BMPR2: variants seen among roughly 807,000 people sequenced by gnomAD.
BMPR2 encodes the protein bone morphogenetic protein receptor type 2, also known as bone morphogenetic protein receptor type-2.
A neutral mutation model predicts 100.8 loss-of-function variants in BMPR2; 29 were observed. The ratio of observed to expected loss-of-function variants is 0.29; its 90% CI spans 0.21 to 0.39. The LOEUF (loss-of-function observed/expected upper bound fraction) is 0.39. BMPR2 is among the 10% of genes least tolerant of loss of function. The probability of loss-of-function intolerance (pLI) is 1.00; values close to 1 mark genes in which losing one functional copy is unlikely to be tolerated. For synonymous variants in BMPR2, 382 were observed against 442.3 expected, an observed-to-expected ratio of 0.86 and a Z score of 1.71; for missense variants, 1,011 against 1,274.5, an observed-to-expected ratio of 0.79 and a Z score of 3.15.
intron 3 of BMPR2, among the ~76,000 whole-genome samples, chr2:202,499,005 C>G (rs879626943): frequency 1.1e-4 from 16 of 145,900 alleles, no homozygotes; most frequent in Non-Finnish European, 1.7e-4. Flanking sequence ...AATGATAATC[C>G]TCCTCTAATC....
chr2:202,398,450 G>A (rs1690697530), intron 1 of BMPR2, among the ~76,000 whole-genome samples: 1 of 152,200 alleles, frequency 6.6e-6, no homozygotes, highest in Admixed American at 6.5e-5. Flanking sequence ...ATTTTGCCAT[G>A]TATGCTTAAT....
In BMPR2 at chr2:202,556,360, C is replaced by T. The variant is rs137852741; in HGVS notation, c.2695C>T (p.Arg899Ter). Residue 899 changes from arginine (R) to a stop codon, truncating the protein, a stop_gained, in exon 12 of 13, where the codon CGA (arginine) becomes TGA (stop). Coordinates refer to ENST00000374580, the MANE Select transcript of BMPR2 (RefSeq NM_001204.7). LOFTEE classifies it high-confidence loss of function. ...GAGGGAACGGCCACTAGAAGGTGGCCGAACTAATTCCAATAACAACAACAG... is the reference window on the plus strand; with the variant it reads ...GAGGGAACGGCCACTAGAAGGTGGCTGAACTAATTCCAATAACAACAACAG... ...DRRERPLEGG[R>*]TNSNNNNSNP... The T allele has an allele frequency of 6.2e-7, 1 of 1,614,054 alleles. No homozygotes were observed. Among genetic ancestry groups the T allele is most frequent in the Non-Finnish European group, 8.5e-7 (1 of 1,180,022 alleles).
At chr2:202,404,983 C>T (rs1409129427) in intron 1 of BMPR2, among the ~76,000 whole-genome samples, 1 of 152,014 alleles carries the variant, frequency 6.6e-6, no homozygotes, top group Non-Finnish European at 1.5e-5. Flanking sequence ...GCACCATGTC[C>T]AGGTACTTTT....
intron 1 of BMPR2, among the ~76,000 whole-genome samples, chr2:202,423,356 GAGA>G: frequency 6.6e-6 from 1 of 152,334 alleles, no homozygotes; most frequent in South Asian, 2.1e-4. Context: ...GTGACCATGT[GAGA>G]AGGAGATCAG....
intron 1 of BMPR2, among the ~76,000 whole-genome samples, chr2:202,408,141 A>G (rs1690942314): frequency 6.6e-6 from 1 of 152,170 alleles, no homozygotes; most frequent in African/African-American, 2.4e-5. Context: ...GCTTTAACTC[A>G]GGATTTCATA....
chr2:202,389,940 C>A (rs550830686), intron 1 of BMPR2, among the ~76,000 whole-genome samples: 3 of 147,498 alleles, frequency 2.0e-5, no homozygotes, highest in Admixed American at 6.8e-5. Flanking sequence ...GCACCTGGCC[C>A]ATTAAAAAGG....
intron 1 of BMPR2, among the ~76,000 whole-genome samples, chr2:202,417,421 G>C (rs1206684286): frequency 6.6e-6 from 1 of 152,192 alleles, no homozygotes; most frequent in Non-Finnish European, 1.5e-5. Context: ...TCCTGCCTCA[G>C]CCTCCTGAGT....
chr2:202,383,384 T>TA (rs1690341724), intron 1 of BMPR2, among the ~76,000 whole-genome samples: 2 of 151,650 alleles, frequency 1.3e-5, no homozygotes, highest in Non-Finnish European at 2.9e-5. Context: ...CCGTCTCTAC[T>TA]AAAATACAAA....
At chr2:202,494,791 G>A (rs891322960) in intron 3 of BMPR2, among the ~76,000 whole-genome samples, 1 of 152,212 alleles carries the variant, frequency 6.6e-6, no homozygotes, top group Non-Finnish European at 1.5e-5. Context: ...GCACGTACAC[G>A]TGAATACACA....
chr2:202,563,761 G>A lies in BMPR2; in HGVS notation c.*3815G>A, dbSNP rs1047284891. 2.0e-5 allele frequency: 3 copies of A among 149,538 alleles called. No homozygotes were observed. Among genetic ancestry groups the A allele is most frequent in the South Asian group, 4.2e-4 (2 of 4,718 alleles). The allele number at this position is 149,538 out of a possible 1,614,324, so 9.3% of individuals were successfully genotyped here. On this transcript the variant is annotated 3_prime_UTR_variant, in exon 13 of 13. Transcript: ENST00000374580. ...AAATTGATTCCATAGCAGATTTGGG[G>A]GAATTAACAAAGAATTTCAGTCTCA...
At chr2:202,390,717 T>G (rs1690530420) in intron 1 of BMPR2, among the ~76,000 whole-genome samples, 1 of 152,284 alleles carries the variant, frequency 6.6e-6, no homozygotes. Context: ...AAATGATATC[T>G]TGTTGGTTTA....
intron 1 of BMPR2, among the ~76,000 whole-genome samples, chr2:202,462,021 GT>G (rs1368002653): frequency 1.3e-5 from 2 of 151,958 alleles, no homozygotes; most frequent in Non-Finnish European, 2.9e-5. Flanking sequence ...CCCGTATGTG[GT>G]TGGGGTAGCA....
At chr2:202,466,620 T>G (rs1209159098) in intron 2 of BMPR2, among the ~76,000 whole-genome samples, 2 of 150,562 alleles carry the variant, frequency 1.3e-5, no homozygotes, top group African/African-American at 4.9e-5. Context: ...TTATTTGTTA[T>G]TGTATTTTTG....
chr2:202,384,588 T>TTTTCTTTCC (rs1690387131), intron 1 of BMPR2, among the ~76,000 whole-genome samples: 1 of 129,776 alleles, frequency 7.7e-6, no homozygotes, highest in African/African-American at 3.0e-5. Flanking sequence ...CTTTTCTTTC[T>TTTTCTTTCC]TTTCTTTCTT....
chr2:202,391,402 C>T (rs1331217338), intron 1 of BMPR2, among the ~76,000 whole-genome samples: 1 of 150,400 alleles, frequency 6.6e-6, no homozygotes, highest in Non-Finnish European at 1.5e-5. Flanking sequence ...CTCCCGGAAG[C>T]TCAAGTGATC....
intron 1 of BMPR2, among the ~76,000 whole-genome samples, chr2:202,452,900 G>T (rs1338031089): frequency 6.6e-6 from 1 of 152,196 alleles, no homozygotes; most frequent in African/African-American, 2.4e-5. Context: ...GTGGTCTGGG[G>T]TAATTAGAGT....
chr2:202,443,793 A>T (rs1228101133), intron 1 of BMPR2, among the ~76,000 whole-genome samples: 1 of 150,446 alleles, frequency 6.6e-6, no homozygotes, highest in Admixed American at 6.6e-5. Context: ...AAATTGGAAG[A>T]TATATTACCT....
At chr2:202,517,352 T>C (rs1022912747) in intron 5 of BMPR2, among the ~76,000 whole-genome samples, 2 of 150,542 alleles carry the variant, frequency 1.3e-5, no homozygotes, top group Non-Finnish European at 3.0e-5. Context: ...TTTTTTTTTT[T>C]ACTCTGTCAT....
intron 10 of BMPR2, among the ~76,000 whole-genome samples, chr2:202,545,257 T>C (rs1688356622): frequency 2.4e-4 from 1 of 4,112 alleles, no homozygotes. Flanking sequence ...TTTTTCAAGA[T>C]TTACTCAGCT....
Sources: allele counts gnomAD v4.1 joint callset (sites outside exome capture counted in the v4.1 genomes callset), GRCh38; gene constraint gnomAD v4.1.1; transcripts MANE v1.5; gene names NCBI Gene and HGNC (gene_info 2026-07-23, HGNC 2026-07-21).